APBA2: variants seen among roughly 807,000 people sequenced by gnomAD.
APBA2 encodes amyloid-beta A4 precursor protein-binding family A member 2.
A neutral mutation model predicts 75.0 loss-of-function variants in APBA2; 30 were observed. The observed-to-expected ratio is 0.40, with a 90% CI of 0.30 to 0.54. The LOEUF (loss-of-function observed/expected upper bound fraction) is 0.54, where lower values mean the gene tolerates loss of function less well. Ranked by LOEUF, APBA2 falls within the 20% of genes least tolerant of loss-of-function variation. The pLI is 0.49. For synonymous variants in APBA2, 444 were observed against 409.6 expected (o/e 1.08, Z -1.01); for missense variants, 801 against 1,016.1 (o/e 0.79, Z 2.88).
intron 2 of APBA2, among the ~76,000 whole-genome samples, chr15:28,926,785 G>A (rs2034283966): frequency 2.0e-5 from 3 of 150,750 alleles, no homozygotes; most frequent in Admixed American, 1.3e-4. Context: ...TACTTTTTCT[G>A]AACATAGAAT....
chr15:29,063,108 G>C (rs187658521), intron 4 of APBA2, among the ~76,000 whole-genome samples: 40 of 80,300 alleles, frequency 5.0e-4, no homozygotes, highest in African/African-American at 2.7e-3. Flanking sequence ...AGTTGATCTC[G>C]GTCAGTGTCT....
At position 29,094,286 on chromosome 15, in the gene APBA2, A is replaced by G. The variant is rs140018484; in HGVS notation, c.1224A>G (p.Gln408=). The change falls in exon 8 of 15, where the codon CAA becomes CAG. Residue 408 remains glutamine (Q), a synonymous_variant. Transcript: ENST00000683413. The part of the protein sequence containing the change: ...QEAVSRVKRM[Q]KAAKIKKKAN... ...CTCTTCCATGCTGTCAGAGGATGCA[A>G]AAGGCTGCTAAGATCAAGAAAAAAG... 299 of 1,614,198 alleles carry G rather than the reference A, an allele frequency of 1.9e-4. No individual in the cohort carries two copies. The African/African-American group carries it at 3.7e-3, about 20-fold the overall frequency.
intron 6 of APBA2, among the ~76,000 whole-genome samples, chr15:29,092,266 AGCCTT>A (rs2043613648): frequency 6.6e-6 from 1 of 152,182 alleles, no homozygotes; most frequent in Non-Finnish European, 1.5e-5. Flanking sequence ...CCCTAGCTGG[AGCCTT>A]ATTGTCTGGC....
intron 6 of APBA2, among the ~76,000 whole-genome samples, chr15:29,092,360 C>T (rs1174965845): frequency 1.3e-5 from 2 of 152,144 alleles, no homozygotes; most frequent in African/African-American, 4.8e-5. Context: ...TAACATGTGG[C>T]TCTTTATATT....
intron 3 of APBA2, among the ~76,000 whole-genome samples, chr15:29,052,713 T>C (rs895225768): frequency 1.3e-5 from 2 of 152,134 alleles, no homozygotes; most frequent in African/African-American, 4.8e-5. Context: ...TAAGACTGGT[T>C]GATTATAAAG....
intron 8 of APBA2, among the ~76,000 whole-genome samples, chr15:29,096,062 C>T (rs954618737): frequency 3.3e-5 from 5 of 151,614 alleles, no homozygotes; most frequent in African/African-American, 9.7e-5. Flanking sequence ...GTCAGGTGGC[C>T]GCCTGATTAC....
intron 2 of APBA2, among the ~76,000 whole-genome samples, chr15:28,995,358 A>G (rs2038460610): frequency 6.6e-6 from 1 of 151,820 alleles, no homozygotes; most frequent in Admixed American, 6.6e-5. Flanking sequence ...CCCCATATGC[A>G]CACCCTCCGC....
At chr15:29,000,041 C>A (rs2038760553) in intron 3 of APBA2, among the ~76,000 whole-genome samples, 1 of 152,186 alleles carries the variant, frequency 6.6e-6, no homozygotes, top group African/African-American at 2.4e-5. Flanking sequence ...CAGGTCCTCA[C>A]TGGAGTGGAC....
intron 2 of APBA2, among the ~76,000 whole-genome samples, chr15:28,979,257 GC>G (rs1399116674): frequency 1.3e-5 from 2 of 151,982 alleles, no homozygotes; most frequent in African/African-American, 4.8e-5. Flanking sequence ...CCCTCTCCTT[GC>G]CATTCTCTTC....
At chr15:28,905,362 G>A (rs1050761991) in intron 1 of APBA2, among the ~76,000 whole-genome samples, 4 of 152,182 alleles carry the variant, frequency 2.6e-5, no homozygotes, top group South Asian at 4.1e-4. Context: ...TCGGAAGAAC[G>A]GACTTGACTA....
At chr15:28,888,554 C>T (rs184202194) in intron 1 of APBA2, among the ~76,000 whole-genome samples, 3 of 152,316 alleles carry the variant, frequency 2.0e-5, no homozygotes, top group African/African-American at 7.2e-5. Context: ...CAGGTGTGGG[C>T]CTCAGGTGAC....
chr15:28,931,320 C>T (rs1448587210), intron 2 of APBA2, among the ~76,000 whole-genome samples: 1 of 152,194 alleles, frequency 6.6e-6, no homozygotes, highest in Non-Finnish European at 1.5e-5. Context: ...AGTCGGTCCC[C>T]CTGTAGCTCC....
chr15:28,942,240 C>T (rs1176624990), intron 2 of APBA2, among the ~76,000 whole-genome samples: 3 of 152,182 alleles, frequency 2.0e-5, no homozygotes, highest in African/African-American at 7.2e-5. Context: ...TGTCTCCCTC[C>T]ACTGTGGGCC....
chr15:28,940,582 A>C (rs1465391241), intron 2 of APBA2, among the ~76,000 whole-genome samples: 1 of 151,686 alleles, frequency 6.6e-6, no homozygotes, highest in Non-Finnish European at 1.5e-5. Flanking sequence ...AAAGAAAAGA[A>C]AAAGAAAAAC....
chr15:29,114,894 TG>T lies in APBA2; in HGVS notation c.2178+879del, dbSNP rs2044987478. On this transcript the variant is annotated intron_variant, in intron 14 of 14. Coordinates refer to ENST00000683413, the MANE Select transcript of APBA2 (RefSeq NM_001353788.2). ...GTGTGCAGGGGTGTGTGGCTGTGGG[TG>T]TGTGTGAGCATGGGGTGTCAAGCAT... Among the ~76,000 whole-genome samples, 4 of 27,072 alleles carry T rather than the reference TG, an allele frequency of 1.5e-4. No individual in the cohort carries two copies. The Non-Finnish European group carries it at 2.3e-3, about 15-fold the overall frequency. 17.8% of individuals were successfully genotyped at this position (27,072 alleles called of 152,430 possible).
At chr15:29,104,046 G>A (rs965536844) in intron 10 of APBA2, among the ~76,000 whole-genome samples, 1 of 152,372 alleles carries the variant, frequency 6.6e-6, no homozygotes, top group South Asian at 2.1e-4. Context: ...GCAGTTCCAC[G>A]CCTGCTGGAG....
At chr15:28,889,127 C>T (rs2031960413) in intron 1 of APBA2, among the ~76,000 whole-genome samples, 2 of 152,152 alleles carry the variant, frequency 1.3e-5, no homozygotes, top group Admixed American at 1.3e-4. Context: ...CTGCCGCCCA[C>T]CGCCTGGGTT....
chr15:29,049,362 A>G (rs751343291), intron 3 of APBA2, among the ~76,000 whole-genome samples: 25 of 152,160 alleles, frequency 1.6e-4, no homozygotes, highest in Non-Finnish European at 1.5e-5. Flanking sequence ...TTCAGTGTCA[A>G]AAATAAAGGA....
intron 2 of APBA2, among the ~76,000 whole-genome samples, chr15:28,952,730 A>T (rs1234431227): frequency 6.6e-6 from 1 of 152,204 alleles, no homozygotes; most frequent in Non-Finnish European, 1.5e-5. Context: ...TGATATTTTC[A>T]AACTTTGTAG....
Sources: gnomAD v4.1 joint callset for allele counts (sites outside exome capture counted in the v4.1 genomes callset) on GRCh38, gnomAD v4.1.1 for gene constraint, MANE v1.5 for transcripts, NCBI Gene and HGNC (gene_info 2026-07-23, HGNC 2026-07-21) for gene names.